The following NUP210L variants were observed in gnomAD, a reference collection of about 807,000 sequenced individuals.
NUP210L encodes the protein nuclear pore membrane glycoprotein 210-like.
A neutral mutation model predicts 208.5 loss-of-function variants in NUP210L; 74 were observed. The observed-to-expected ratio is 0.35, with a 90% CI of 0.29 to 0.43. NUP210L has a LOEUF of 0.43. NUP210L is among the 20% of genes least tolerant of loss of function. NUP210L has a pLI of 1.00. For synonymous variants in NUP210L, 780 were observed against 816.9 expected, an observed-to-expected ratio of 0.95 and a Z score of 0.77; for missense variants, 1,843 against 2,289.4, an observed-to-expected ratio of 0.81 and a Z score of 3.98.
intron 6 of NUP210L, among the ~76,000 whole-genome samples, chr1:154,137,528 G>A (rs1457119028): frequency 1.3e-5 from 2 of 148,900 alleles, no homozygotes; most frequent in African/African-American, 5.0e-5. Context: ...TCCAGCCTGG[G>A]TGACAGAGAG....
chr1:154,012,954 C>T (rs1651015531), intron 33 of NUP210L, among the ~76,000 whole-genome samples: 2 of 141,094 alleles, frequency 1.4e-5, no homozygotes, highest in Admixed American at 7.7e-5. Context: ...TGCAGTGAGC[C>T]GACATTGCGC....
chr1:154,153,619 T>C (rs1659521248), intron 1 of NUP210L, among the ~76,000 whole-genome samples: 1 of 152,168 alleles, frequency 6.6e-6, no homozygotes, highest in South Asian at 2.1e-4. Flanking sequence ...CGAATGTTTT[T>C]ATTTTAAATA....
chr1:154,016,565 A>T (rs1289926496), intron 33 of NUP210L, among the ~76,000 whole-genome samples: 1 of 152,000 alleles, frequency 6.6e-6, no homozygotes, highest in Non-Finnish European at 1.5e-5. Flanking sequence ...CCACAAAACA[A>T]ACTCTTAACC....
At chr1:154,151,640 G>C (rs1273536089) in intron 2 of NUP210L, among the ~76,000 whole-genome samples, 1 of 152,074 alleles carries the variant, frequency 6.6e-6, no homozygotes, top group African/African-American at 2.4e-5. Context: ...ATAGGTTTTA[G>C]GTGGTTTTTA....
At chr1:154,128,278 G>A (rs1440849127) in intron 8 of NUP210L, among the ~76,000 whole-genome samples, 1 of 152,042 alleles carries the variant, frequency 6.6e-6, no homozygotes, top group Non-Finnish European at 1.5e-5. Flanking sequence ...TTGAGCCCAG[G>A]AGTTTGAGAC....
At chr1:154,050,863 C>A (rs893983765) in intron 25 of NUP210L, among the ~76,000 whole-genome samples, 3 of 152,178 alleles carry the variant, frequency 2.0e-5, no homozygotes, top group Non-Finnish European at 4.4e-5. Flanking sequence ...GCTTCTTATT[C>A]TGGCTCAAAA....
chr1:154,006,649 A>G (rs1650540538), intron 35 of NUP210L, among the ~76,000 whole-genome samples: 2 of 151,010 alleles, frequency 1.3e-5, no homozygotes, highest in South Asian at 2.1e-4. Context: ...ATGTGCCACC[A>G]TGCCCGGCTA....
intron 27 of NUP210L, among the ~76,000 whole-genome samples, chr1:154,031,614 A>G (rs930614229): frequency 2.0e-5 from 3 of 151,626 alleles, no homozygotes; most frequent in Non-Finnish European, 2.9e-5. Flanking sequence ...GCTCCCACAA[A>G]TAAGTGAGAA....
At chr1:154,006,492 T>C (rs1455776503) in intron 35 of NUP210L, among the ~76,000 whole-genome samples, 1 of 151,750 alleles carries the variant, frequency 6.6e-6, no homozygotes, top group Non-Finnish European at 1.5e-5. Flanking sequence ...TTTATTTTTA[T>C]TTATTTATTT....
At chr1:154,134,894 C>T (rs1172380368) in intron 7 of NUP210L, among the ~76,000 whole-genome samples, 2 of 151,620 alleles carry the variant, frequency 1.3e-5, no homozygotes, top group African/African-American at 4.8e-5. Flanking sequence ...TGCACCACCA[C>T]GCCCGGCTAA....
At position 154,141,414 on chromosome 1, in the gene NUP210L, T is replaced by C; in HGVS notation, c.566+17A>G. ...CTTCTTCATAGTCAGATGATTTATGTTTGGTTTCAAGTTTACCTAATTTTG... is the reference window on the plus strand; with the variant it reads ...CTTCTTCATAGTCAGATGATTTATGCTTGGTTTCAAGTTTACCTAATTTTG... On this transcript the variant is annotated intron_variant, in intron 4 of 39. Transcript: ENST00000368559. 1 of 1,481,840 alleles carries C rather than the reference T, an allele frequency of 6.7e-7. No individual in the cohort carries two copies. The highest frequency in any genetic ancestry group is 9.4e-7 in the Non-Finnish European group (1 of 1,059,302). 91.8% of individuals were successfully genotyped at this position (1,481,840 alleles called of 1,614,324 possible).
At chr1:154,055,143 C>CTT (rs749472775) in intron 23 of NUP210L, among the ~76,000 whole-genome samples, 2 of 104,310 alleles carry the variant, frequency 1.9e-5, no homozygotes, top group African/African-American at 8.2e-5. Flanking sequence ...TTCTTTCTTT[C>CTT]TTTCTTTCTT....
At chr1:154,037,773 A>G (rs933547718) in intron 27 of NUP210L, among the ~76,000 whole-genome samples, 1 of 151,916 alleles carries the variant, frequency 6.6e-6, no homozygotes, top group Non-Finnish European at 1.5e-5. Context: ...GGTTCAAGCG[A>G]TTTCCAGCTA....
intron 15 of NUP210L, among the ~76,000 whole-genome samples, chr1:154,091,496 CTTTT>C (rs1655907482): frequency 7.0e-6 from 1 of 143,418 alleles, no homozygotes; most frequent in Admixed American, 7.0e-5. Context: ...CTTTTCTTTT[CTTTT>C]CTTTTTTTTT....
At position 153,998,541 on chromosome 1, in the gene NUP210L, G is replaced by A. The variant is rs542588074; in HGVS notation, c.5386+2315C>T. ...TGCACTCCAGACTGGGCGACAGAGC[G>A]AGGTTCTGTCTCAAAAAAAAAAAAA... On this transcript the variant is annotated intron_variant, in intron 37 of 39. Transcript: ENST00000368559. Among the ~76,000 whole-genome samples, 467 of 145,642 alleles carry A rather than the reference G, an allele frequency of 3.2e-3. 1 individual carries two copies. The highest frequency in any genetic ancestry group is 4.6e-3 in the Non-Finnish European group (306 of 66,762).
chr1:154,004,463 G>A (rs1650392907), intron 35 of NUP210L, among the ~76,000 whole-genome samples: 1 of 151,866 alleles, frequency 6.6e-6, no homozygotes, highest in Admixed American at 6.6e-5. Flanking sequence ...TGCCTCCCTG[G>A]TTCAAGTGAT....
chr1:153,993,374 G>A (rs1366297790), intron 38 of NUP210L, among the ~76,000 whole-genome samples: 1 of 151,518 alleles, frequency 6.6e-6, no homozygotes, highest in East Asian at 1.9e-4. Flanking sequence ...AGACCATCCT[G>A]GCTAACACAG....
chr1:154,097,743 G>A (rs1656245536), intron 14 of NUP210L, among the ~76,000 whole-genome samples: 1 of 152,136 alleles, frequency 6.6e-6, no homozygotes. Context: ...CATTGAGTCA[G>A]GATTTGTCAG....
chr1:154,001,694 T>A, intron 36 of NUP210L, 41 bp downstream of exon 36: 1 of 1,596,090 alleles, frequency 6.3e-7, no homozygotes, highest in South Asian at 1.1e-5. Context: ...CTTTTCAAAT[T>A]CCTGATCTCT....
Sources: allele counts gnomAD v4.1 joint callset (sites outside exome capture counted in the v4.1 genomes callset), GRCh38; gene constraint gnomAD v4.1.1; transcripts MANE v1.5; gene names NCBI Gene and HGNC (gene_info 2026-07-23, HGNC 2026-07-21).